The following KIAA1671 variants were observed in gnomAD, a reference collection of about 807,000 sequenced individuals.
The protein encoded by KIAA1671 is KIAA1671.
A neutral mutation model predicts 131.2 loss-of-function variants in KIAA1671; 52 were observed. That is an observed-to-expected ratio of 0.40 (90% CI 0.32 to 0.50). The LOEUF (loss-of-function observed/expected upper bound fraction) is 0.50, where lower values mean the gene tolerates loss of function less well. Among genes scored for constraint, KIAA1671 ranks in the 20% least tolerant of loss-of-function variants. KIAA1671 has a pLI of 0.73. For synonymous variants in KIAA1671, 1,003 were observed against 961.6 expected, an observed-to-expected ratio of 1.04 and a Z score of -0.80; for missense variants, 2,360 against 2,364.2, an observed-to-expected ratio of 1.00 and a Z score of 0.04.
At position 24,963,033 on chromosome 22, in the gene KIAA1671, C is replaced by T. The variant is rs146759852; in HGVS notation, c.-208+10261C>T. On this transcript the variant is annotated intron_variant, in intron 1 of 12. Coordinates refer to ENST00000358431, the MANE Select transcript of KIAA1671 (RefSeq NM_001145206.2). ...CTGGGAGCCCAGGTTTATGAGTATC[C>T]GCAGGGGTCACTGAGCTAGCTGCAC... Among the ~76,000 whole-genome samples, 621 of 152,100 alleles carry T rather than the reference C, an allele frequency of 4.1e-3. 7 individuals carry two copies. Among genetic ancestry groups the T allele is most frequent in the African/African-American group, 0.013 (548 of 41,492 alleles).
At position 24,979,334 on chromosome 22, in the gene KIAA1671, T is replaced by TTTTA. The variant is rs1267817088; in HGVS notation, c.-208+26586_-208+26589dup. ...CCCGGGCAACCATCTTAATAATTTA[T>TTTTA]TTTATTTATTTATTTATTTATTTAT... On this transcript the variant is annotated intron_variant, in intron 1 of 12. Transcript: ENST00000358431. Among the ~76,000 whole-genome samples, 1,021 of 142,690 alleles carry TTTTA rather than the reference T, an allele frequency of 7.2e-3. 16 individuals carry two copies. Among genetic ancestry groups the TTTTA allele is most frequent in the African/African-American group, 0.022 (819 of 38,038 alleles). 93.6% of individuals were successfully genotyped at this position (142,690 alleles called of 152,430 possible).
chr22:25,142,977 G>C (rs1171695772), intron 6 of KIAA1671, among the ~76,000 whole-genome samples: 1 of 152,254 alleles, frequency 6.6e-6, no homozygotes, highest in South Asian at 2.1e-4. Flanking sequence ...CTGCGCTTCC[G>C]TTCTCAAACT....
chr22:25,039,530 G>A lies in KIAA1671; in HGVS notation c.2400G>A (p.Trp800Ter). The A allele has an allele frequency of 6.4e-7, 1 of 1,551,830 alleles. No homozygotes were observed. The highest frequency in any genetic ancestry group is 8.7e-7 in the Non-Finnish European group (1 of 1,147,022). Reference protein sequence around the residue: ...AGSVQRASLIWEARGMPEASG... With the variant: ...AGSVQRASLI ...CCGTCCAAAGGGCCAGTTTGATTTGGGAAGCTCGAGGCATGCCTGAGGCTA... is the reference window on the plus strand; with the variant it reads ...CCGTCCAAAGGGCCAGTTTGATTTGAGAAGCTCGAGGCATGCCTGAGGCTA... The change falls in exon 5 of 13, where the codon TGG (tryptophan) becomes TGA (stop). Residue 800 changes from tryptophan (W) to a stop codon, truncating the protein, a stop_gained. Coordinates refer to ENST00000358431, the MANE Select transcript of KIAA1671 (RefSeq NM_001145206.2). LOFTEE classifies it high-confidence loss of function.
At chr22:25,181,317 A>G (rs916010371) in intron 9 of KIAA1671, among the ~76,000 whole-genome samples, 9 of 152,170 alleles carry the variant, frequency 5.9e-5, no homozygotes, top group African/African-American at 1.9e-4. Context: ...GAAGCTCTCC[A>G]CATTCTCCTC....
chr22:24,976,017 C>T (rs112985116), intron 1 of KIAA1671, among the ~76,000 whole-genome samples: 12 of 152,326 alleles, frequency 7.9e-5, no homozygotes, highest in African/African-American at 2.4e-4. Context: ...TGGGAAGAGG[C>T]GGGCATTGGG....
At position 25,029,150 on chromosome 22, in the gene KIAA1671, G is replaced by A; in HGVS notation, c.1151G>A (p.Ser384Asn). ...SSGVTPSNDQ[S>N]PWEEKAKLDP... ...GGGGTCACCCCCAGCAATGACCAGA[G>A]TCCCTGGGAAGAAAAGGCCAAGCTG... The change falls in exon 3 of 13, where the codon AGT (serine) becomes AAT (asparagine). Residue 384 changes from serine (S) to asparagine (N), a missense_variant. This residue lies in a region of KIAA1671 where 1,185 missense variants were observed against 1,126.2 expected (regional missense o/e 1.05). Transcript: ENST00000358431. 6.9e-7 allele frequency: 1 copy of A among 1,456,204 alleles called. No individual in the cohort carries two copies. Among genetic ancestry groups the A allele is most frequent in the South Asian group, 1.5e-5 (1 of 67,978 alleles). 90.2% of individuals were successfully genotyped at this position (1,456,204 alleles called of 1,614,324 possible).
chr22:25,071,175 C>G (rs1053697531), intron 6 of KIAA1671, among the ~76,000 whole-genome samples: 3 of 152,134 alleles, frequency 2.0e-5, no homozygotes, highest in African/African-American at 7.2e-5. Context: ...GAGGGACTTA[C>G]CGAAGAATTG....
In KIAA1671 at chr22:25,149,342, C is replaced by T. The variant is rs755388610; in HGVS notation, c.4531-21478C>T. ...TCATGGTCTGCATCTGACGTCCTGG[C>T]CCCTCAGGGGACTGAGACCACCTCT... On this transcript the variant is annotated intron_variant, in intron 6 of 12. Coordinates refer to ENST00000358431, the MANE Select transcript of KIAA1671 (RefSeq NM_001145206.2). 4.6e-4 allele frequency among the ~76,000 whole-genome samples: 70 copies of T among 152,204 alleles called. 1 individual carries two copies. Among genetic ancestry groups the T allele is most frequent in the Non-Finnish European group, 1.0e-3 (68 of 68,044 alleles).
At chr22:25,107,381 C>T (rs915635220) in intron 6 of KIAA1671, among the ~76,000 whole-genome samples, 12 of 151,598 alleles carry the variant, frequency 7.9e-5, no homozygotes. Context: ...CACACCACTG[C>T]ACTCCAGCCT....
chr22:25,001,205 GTATGTA>G (rs1924455789), intron 1 of KIAA1671, among the ~76,000 whole-genome samples: 1 of 145,506 alleles, frequency 6.9e-6, no homozygotes, highest in Admixed American at 7.1e-5. Flanking sequence ...GTGTGTATGT[GTATGTA>G]TGTGTATATA....
chr22:25,147,541 G>A (rs1329262364), intron 6 of KIAA1671, among the ~76,000 whole-genome samples: 1 of 152,104 alleles, frequency 6.6e-6, no homozygotes. Context: ...CTTTGCCCTG[G>A]CCATGCCCTC....
intron 1 of KIAA1671, among the ~76,000 whole-genome samples, chr22:24,997,608 G>A (rs1018260240): frequency 1.3e-5 from 2 of 152,112 alleles, no homozygotes; most frequent in Non-Finnish European, 2.9e-5. Flanking sequence ...TGAGGGGCAG[G>A]AGATGAGGTC....
chr22:25,183,432 C>G (rs1276061983), intron 10 of KIAA1671, among the ~76,000 whole-genome samples: 2 of 56,718 alleles, frequency 3.5e-5, no homozygotes, highest in Non-Finnish European at 8.0e-5. Flanking sequence ...TTCTTTCCCT[C>G]CCTCCCTCCC....
chr22:25,184,870 G>A, intron 10 of KIAA1671, 107 bp from the exon 11 acceptor site: 2 of 1,330,352 alleles, frequency 1.5e-6, no homozygotes, highest in Non-Finnish European at 2.1e-6. Flanking sequence ...CCGATTCAGG[G>A]GGCCCCGAGT....
intron 1 of KIAA1671, among the ~76,000 whole-genome samples, chr22:24,973,391 T>TG (rs1922734241): frequency 1.6e-5 from 1 of 62,736 alleles, no homozygotes; most frequent in Non-Finnish European, 3.0e-5. Flanking sequence ...ATATGATGGT[T>TG]TTTTTTTTTT....
intron 1 of KIAA1671, among the ~76,000 whole-genome samples, chr22:24,991,798 C>T (rs1028794619): frequency 2.0e-5 from 3 of 151,912 alleles, no homozygotes; most frequent in African/African-American, 7.3e-5. Context: ...AATAATAATC[C>T]CCATAGTCAC....
chr22:24,973,181 C>A (rs915354984), intron 1 of KIAA1671, among the ~76,000 whole-genome samples: 1 of 152,084 alleles, frequency 6.6e-6, no homozygotes, highest in Non-Finnish European at 1.5e-5. Flanking sequence ...CATGGCAGGA[C>A]TCGGTTTGGG....
chr22:24,986,830 C>G (rs1450990243), intron 1 of KIAA1671, among the ~76,000 whole-genome samples: 1 of 151,908 alleles, frequency 6.6e-6, no homozygotes, highest in African/African-American at 2.4e-5. Flanking sequence ...GGCCCTGACC[C>G]CTTTCAGGCA....
intron 6 of KIAA1671, among the ~76,000 whole-genome samples, chr22:25,084,026 G>A (rs563141253): frequency 6.6e-6 from 1 of 152,374 alleles, no homozygotes; most frequent in South Asian, 2.1e-4. Flanking sequence ...AGGACAAAGC[G>A]GCGGCCTGCC....
Sources: gnomAD v4.1 joint callset for allele counts (sites outside exome capture counted in the v4.1 genomes callset) on GRCh38, gnomAD v4.1.1 for gene constraint, gnomAD v4.1.1 regional missense constraint, MANE v1.5 for transcripts, NCBI Gene and HGNC (gene_info 2026-07-23, HGNC 2026-07-21) for gene names.